Variants in ATP11C observed in about 807,000 individuals in gnomAD.
The protein encoded by ATP11C is ATPase phospholipid transporting 11C (ATP11C blood group).
ATP11C carries 36 observed loss-of-function variants against 97.4 expected under a neutral mutation model. That is an observed-to-expected ratio of 0.37 (90% CI 0.28 to 0.49). The LOEUF is 0.49. Ranked by LOEUF, ATP11C falls within the 20% of genes least tolerant of loss-of-function variation. The probability of loss-of-function intolerance (pLI) is 0.98; values close to 1 mark genes in which losing one functional copy is unlikely to be tolerated. For synonymous variants in ATP11C, 275 were observed against 290.9 expected (o/e 0.95, Z 0.56); for missense variants, 730 against 824.6 (o/e 0.89, Z 1.40).
intron 1 of ATP11C, among the ~76,000 whole-genome samples, chrX:139,912,718 T>C (rs2085096748): frequency 1.1e-5 from 1 of 90,977 alleles, no homozygotes; most frequent in Admixed American, 1.3e-4. Flanking sequence ...TATAAATCCA[T>C]TAATAAATCT....
chrX:139,820,930 T>C (rs1461069730), intron 2 of ATP11C, among the ~76,000 whole-genome samples: 1 of 111,371 alleles, frequency 9.0e-6, no homozygotes, highest in Non-Finnish European at 1.9e-5. Flanking sequence ...CTTCTGACCA[T>C]GTGCGATTTA....
chrX:139,926,397 T>C (rs1361759662), intron 1 of ATP11C, among the ~76,000 whole-genome samples: 1 of 112,100 alleles, frequency 8.9e-6, no homozygotes, highest in Non-Finnish European at 1.9e-5. Context: ...ATTTTTTCCA[T>C]CACTCAACAA....
chrX:139,922,475 T>C lies in ATP11C; in HGVS notation c.27+9541A>G, dbSNP rs186327483. On this transcript the variant is annotated intron_variant, in intron 1 of 29. Coordinates refer to ENST00000682941, the MANE Select transcript of ATP11C (RefSeq NM_001353812.2). ...TGTTTCTGCTGTGTCATGGACAGGA[T>C]GTTTGTGTTCCCCTAAAATTCTTAT... is the stretch of plus-strand genomic sequence containing the variant. Among the ~76,000 whole-genome samples, 197 of 107,408 alleles carry C rather than the reference T, an allele frequency of 1.8e-3. 1 individual carries two copies. The highest frequency in any genetic ancestry group is 6.1e-3 in the African/African-American group (179 of 29,494). The allele number at this position is 107,408 out of a possible 115,157, so 93.3% of individuals were successfully genotyped here.
chrX:139,908,726 C>A (rs1017436630), intron 1 of ATP11C, among the ~76,000 whole-genome samples: 1 of 112,060 alleles, frequency 8.9e-6, no homozygotes, highest in African/African-American at 3.2e-5. Context: ...CAATGCACAA[C>A]CTGGCAGATT....
rs1338517638 is a variant in ATP11C, at chrX:139,896,849, C to G, written c.27+35167G>C. 8.2e-5 allele frequency among the ~76,000 whole-genome samples: 9 copies of G among 110,308 alleles called. No homozygotes were observed. In the South Asian group the frequency reaches 3.1e-3, roughly 38 times the overall value. ...TTCTCGAACTCCTGACCTCAAGGCCCAGTCAGCCTCCCAATAATAATAATA... is the reference window on the plus strand; with the variant it reads ...TTCTCGAACTCCTGACCTCAAGGCCGAGTCAGCCTCCCAATAATAATAATA... On this transcript the variant is annotated intron_variant, in intron 1 of 29. Transcript: ENST00000682941.
At chrX:139,850,422 T>C (rs2083971585) in intron 1 of ATP11C, among the ~76,000 whole-genome samples, 1 of 111,774 alleles carries the variant, frequency 8.9e-6, no homozygotes, top group African/African-American at 3.3e-5. Flanking sequence ...ATCCTTGTTA[T>C]GAAGTGGCAA....
intron 1 of ATP11C, among the ~76,000 whole-genome samples, chrX:139,853,315 G>A (rs1939723537): frequency 9.3e-6 from 1 of 107,972 alleles, no homozygotes; most frequent in Non-Finnish European, 1.9e-5. Context: ...GAGACAGAGA[G>A]GAGAGAAAAA....
At chrX:139,768,074 A>C (rs1443924612) in intron 20 of ATP11C, among the ~76,000 whole-genome samples, 186 bp downstream of exon 20, 2 of 112,263 alleles carry the variant, frequency 1.8e-5, no homozygotes, top group Non-Finnish European at 3.8e-5. Context: ...AAGGTGCAGC[A>C]TAAGTTTAAT....
chrX:139,855,315 C>A (rs1347696013), intron 1 of ATP11C, among the ~76,000 whole-genome samples: 1 of 112,021 alleles, frequency 8.9e-6, no homozygotes, highest in African/African-American at 3.2e-5. Flanking sequence ...TTATCTTCCA[C>A]TTTCCTTTCC....
At chrX:139,800,215 A>G (rs1008041639) in intron 7 of ATP11C, 105 bp from the exon 8 acceptor site, 1 of 581,224 alleles carries the variant, frequency 1.7e-6, no homozygotes, top group Non-Finnish European at 2.8e-6. Context: ...ACAGAGATAG[A>G]TAAAACTGTG....
At chrX:139,799,784 T>A (rs1267998499) in intron 8 of ATP11C, among the ~76,000 whole-genome samples, 1 of 106,464 alleles carries the variant, frequency 9.4e-6, no homozygotes, top group Non-Finnish European at 1.9e-5. Flanking sequence ...TCCTGAGTAG[T>A]TGGGATTACA....
rs773425394 is a variant in ATP11C at position 139,745,698 on chromosome X, G to T, written c.2964+24C>A. ...ACAAGCCATGCTTATAATACCAAAA[G>T]ATGTAATGACAGGTTCTTTTTACCT... On this transcript the variant is annotated intron_variant, in intron 25 of 29. Coordinates refer to ENST00000682941, the MANE Select transcript of ATP11C (RefSeq NM_001353812.2). 6 of 1,191,268 alleles carry T rather than the reference G, an allele frequency of 5.0e-6. No individual in the cohort carries two copies. The African/African-American group carries it at 1.1e-4, about 21-fold the overall frequency.
At chrX:139,749,342 A>C (rs1040975316) in intron 24 of ATP11C, among the ~76,000 whole-genome samples, 3 of 111,582 alleles carry the variant, frequency 2.7e-5, no homozygotes, top group Non-Finnish European at 3.8e-5. Context: ...AACCATCCAA[A>C]CCTCTCTATT....
At chrX:139,777,868 CTTTTTT>C (rs1192745818) in intron 18 of ATP11C, among the ~76,000 whole-genome samples, 2 of 103,552 alleles carry the variant, frequency 1.9e-5, no homozygotes, top group Non-Finnish European at 4.0e-5. Flanking sequence ...GTAGTTTGGC[CTTTTTT>C]TTTTTAAGAG....
intron 2 of ATP11C, among the ~76,000 whole-genome samples, chrX:139,820,521 G>A (rs1475833607): frequency 9.0e-6 from 1 of 111,293 alleles, no homozygotes; most frequent in African/African-American, 3.3e-5. Context: ...ACCCCTATGA[G>A]TCACTCTGTC....
intron 1 of ATP11C, among the ~76,000 whole-genome samples, chrX:139,900,774 A>C (rs1184151556): frequency 8.9e-6 from 1 of 112,325 alleles, no homozygotes; most frequent in African/African-American, 3.2e-5. Flanking sequence ...AAGGAGGTGT[A>C]AACTGGACTT....
intron 15 of ATP11C, among the ~76,000 whole-genome samples, chrX:139,786,355 C>T (rs1479369808): frequency 9.0e-6 from 1 of 111,509 alleles, no homozygotes; most frequent in African/African-American, 3.3e-5. Flanking sequence ...AGACATCTAA[C>T]ATGGCATCTG....
intron 18 of ATP11C, among the ~76,000 whole-genome samples, chrX:139,779,916 A>G (rs2082417398): frequency 8.9e-6 from 1 of 112,084 alleles, no homozygotes; most frequent in African/African-American, 3.2e-5. Context: ...ATCCTCAGAG[A>G]CTATTATGAA....
At chrX:139,893,368 A>G (rs1013268661) in intron 1 of ATP11C, among the ~76,000 whole-genome samples, 1 of 111,806 alleles carries the variant, frequency 8.9e-6, no homozygotes, top group Non-Finnish European at 1.9e-5. Flanking sequence ...TCAAAAATGC[A>G]TATCTTAAAA....
Sources: allele counts gnomAD v4.1 joint callset (sites outside exome capture counted in the v4.1 genomes callset), GRCh38; gene constraint gnomAD v4.1.1; transcripts MANE v1.5; gene names NCBI Gene and HGNC (gene_info 2026-07-23, HGNC 2026-07-21).